Variants in MID1 observed in about 807,000 individuals in gnomAD.
MID1 encodes E3 ubiquitin-protein ligase Midline-1.
Under a neutral mutation model 40.4 loss-of-function variants are expected in MID1, and 7 were observed. The ratio of observed to expected loss-of-function variants is 0.17; its 90% CI spans 0.10 to 0.33. The LOEUF (loss-of-function observed/expected upper bound fraction) is 0.33, where lower values mean the gene tolerates loss of function less well. Among genes scored for constraint, MID1 ranks in the 10% least tolerant of loss-of-function variants. MID1 has a pLI of 1.00. For synonymous variants in MID1, 229 were observed against 221.2 expected (o/e 1.04, Z -0.31); for missense variants, 367 against 558.5 (o/e 0.66, Z 3.46).
chrX:10,456,836 C>CA (rs768116432), intron 8 of MID1, among the ~76,000 whole-genome samples: 249 of 110,109 alleles, frequency 2.3e-3, no homozygotes, highest in African/African-American at 8.0e-3. Context: ...GGCACTGTCT[C>CA]AAAAAAATAA....
At chrX:10,759,649 TC>T (rs984970167) in intron 1 of MID1, among the ~76,000 whole-genome samples, 3 of 109,801 alleles carry the variant, frequency 2.7e-5, no homozygotes, top group Non-Finnish European at 5.7e-5. Flanking sequence ...CCTCCGCCAC[TC>T]CCCCAACCCC....
intron 1 of MID1, among the ~76,000 whole-genome samples, chrX:10,813,523 T>G (rs917050355): frequency 1.8e-5 from 2 of 111,705 alleles, no homozygotes; most frequent in Non-Finnish European, 3.8e-5. Context: ...AATACCCAAG[T>G]GATAATTTGA....
At chrX:10,700,824 A>T (rs1320465851) in intron 1 of MID1, among the ~76,000 whole-genome samples, 1 of 112,123 alleles carries the variant, frequency 8.9e-6, no homozygotes, top group Non-Finnish European at 1.9e-5. Flanking sequence ...ATGTGCAATA[A>T]TAATGTTCTT....
intron 1 of MID1, among the ~76,000 whole-genome samples, chrX:10,711,549 C>T (rs1045059246): frequency 1.8e-5 from 2 of 112,484 alleles, no homozygotes; most frequent in Admixed American, 9.4e-5. Flanking sequence ...GGCTGTGCCT[C>T]TTTCAAGTAG....
Position 10,482,514 on chromosome X carries a change from G to A in MID1, c.979C>T (p.Arg327Cys), listed in dbSNP as rs1483645727. 3.3e-6 allele frequency: 4 copies of A among 1,211,059 alleles called. No homozygotes were observed. Among genetic ancestry groups the A allele is most frequent in the Middle Eastern group, 4.6e-4 (2 of 4,331 alleles). The part of the protein sequence containing the change: ...EHSLKENDHA[R>C]FLQTAKNITE... ...ATATTCTTAGCAGTCTGTAGGAAACGCGCATGATCATTCTCCTTCAGAGAG... is the reference window on the plus strand; with the variant it reads ...ATATTCTTAGCAGTCTGTAGGAAACACGCATGATCATTCTCCTTCAGAGAG... The change falls in exon 5 of 10, where the codon CGT becomes TGT. Residue 327 changes from arginine to cysteine, a missense_variant. Arg to Cys is a radical substitution (Grantham distance 180, BLOSUM62 -3). Coordinates refer to ENST00000317552, the MANE Select transcript of MID1 (RefSeq NM_000381.4).
At position 10,583,995 on chromosome X, in the gene MID1, C is replaced by A. The variant is rs769948311; in HGVS notation, c.-56-16392G>T. Among the ~76,000 whole-genome samples, 13 of 108,777 alleles carry A rather than the reference C, an allele frequency of 1.2e-4. No homozygotes were observed. In the South Asian group the frequency reaches 1.3e-3, roughly 10 times the overall value. 94.5% of individuals were successfully genotyped at this position (108,777 alleles called of 115,157 possible). The stretch of plus-strand genomic sequence containing the variant: ...GCGGTGAGCAGAGATCACACCACTG[C>A]ACTCCAGCCTGGGCGACAGACTGAG... On this transcript the variant is annotated intron_variant, in intron 1 of 9. Coordinates refer to ENST00000317552, the MANE Select transcript of MID1 (RefSeq NM_000381.4).
At chrX:10,663,642 C>T (rs1375506912) in intron 1 of MID1, among the ~76,000 whole-genome samples, 1 of 111,004 alleles carries the variant, frequency 9.0e-6, no homozygotes, top group Non-Finnish European at 1.9e-5. Context: ...TCACCATTCA[C>T]ATGCCGTGTA....
chrX:10,663,648 G>A (rs1042487789), intron 1 of MID1, among the ~76,000 whole-genome samples: 7 of 110,828 alleles, frequency 6.3e-5, no homozygotes, highest in African/African-American at 2.0e-4. Context: ...TTCACATGCC[G>A]TGTAAGACTG....
chrX:10,798,574 G>A (rs554469272), intron 1 of MID1, among the ~76,000 whole-genome samples: 2 of 111,711 alleles, frequency 1.8e-5, no homozygotes, highest in African/African-American at 6.5e-5. Flanking sequence ...ACTTCAAGTC[G>A]GAAAGATGAA....
chrX:10,636,963 T>C (rs1472294794), intron 1 of MID1, among the ~76,000 whole-genome samples: 1 of 105,819 alleles, frequency 9.5e-6, no homozygotes, highest in Non-Finnish European at 1.9e-5. Context: ...TGCATTTTCT[T>C]GTCACAGCTT....
chrX:10,725,997 C>T (rs192969264), intron 1 of MID1, among the ~76,000 whole-genome samples: 83 of 112,545 alleles, frequency 7.4e-4, no homozygotes, highest in African/African-American at 2.5e-3. Flanking sequence ...TATTTCTTGA[C>T]CTAAGCCTCC....
At chrX:10,600,464 C>T (rs1268613187) in intron 1 of MID1, among the ~76,000 whole-genome samples, 2 of 111,748 alleles carry the variant, frequency 1.8e-5, no homozygotes, top group Admixed American at 9.5e-5. Context: ...TATTTGGATA[C>T]TTGGGGGTTG....
In MID1 at chrX:10,516,599, TGTGTGTGTGTGC is replaced by T. The variant is rs1257253144; in HGVS notation, c.756+6481_756+6492del. On this transcript the variant is annotated intron_variant, in intron 3 of 9. Coordinates refer to ENST00000317552, the MANE Select transcript of MID1 (RefSeq NM_000381.4). ...GTGTGTGTGTGTGTGTGTGTGTGTG[TGTGTGTGTGTGC>T]GCGCGCGCACGCGTGTGTTTTAAGA... Among the ~76,000 whole-genome samples the T allele has an allele frequency of 8.1e-3, 582 of 71,636 alleles. 8 individuals are homozygous for T. The highest frequency in any genetic ancestry group is 0.039 in the African/African-American group (564 of 14,599). 62.2% of individuals were successfully genotyped at this position (71,636 alleles called of 115,157 possible).
chrX:10,687,793 A>ATGAT (rs1201239340), intron 1 of MID1, among the ~76,000 whole-genome samples: 3 of 111,700 alleles, frequency 2.7e-5, no homozygotes, highest in African/African-American at 9.8e-5. Flanking sequence ...GGCTTGCTGC[A>ATGAT]GCCTTGACCT....
chrX:10,638,404 A>T lies in MID1; in HGVS notation c.-186-17985T>A, dbSNP rs141457296. ...GTCCCACACCCACAGAGCCTGGCTC[A>T]CTGCTAGCACAGCAATCTGAGATCG... On this transcript the variant is annotated intron_variant, in intron 1 of 10. Transcript: ENST00000380785. Among the ~76,000 whole-genome samples, 521 of 112,199 alleles carry T rather than the reference A, an allele frequency of 4.6e-3. 3 individuals are homozygous for T. Among genetic ancestry groups the T allele is most frequent in the African/African-American group, 0.016 (501 of 30,906 alleles).
At chrX:10,591,980 T>C (rs138340584) in intron 1 of MID1, among the ~76,000 whole-genome samples, 6,246 of 110,610 alleles carry the variant, frequency 0.056, 164 homozygotes, top group Middle Eastern at 0.11. Context: ...ATGATGGATA[T>C]GGTAATGATC....
At chrX:10,503,938 C>T (rs886147626) in intron 3 of MID1, among the ~76,000 whole-genome samples, 10 of 112,243 alleles carry the variant, frequency 8.9e-5, no homozygotes, top group African/African-American at 3.2e-4. Flanking sequence ...AATGCCATTG[C>T]TAATGCCTAA....
intron 1 of MID1, among the ~76,000 whole-genome samples, chrX:10,568,301 T>C (rs1040785380): frequency 1.4e-4 from 16 of 112,118 alleles, no homozygotes; most frequent in Non-Finnish European, 2.4e-4. Flanking sequence ...TTCTATTGTT[T>C]AATCCAGCAG....
intron 1 of MID1, among the ~76,000 whole-genome samples, chrX:10,766,836 C>G (rs748400225): frequency 9.4e-6 from 1 of 106,721 alleles, no homozygotes; most frequent in East Asian, 3.0e-4. Flanking sequence ...TTGAGCCCAG[C>G]AGGTCAAGGC....
Sources: gnomAD v4.1 joint callset for allele counts (sites outside exome capture counted in the v4.1 genomes callset) on GRCh38, gnomAD v4.1.1 for gene constraint, MANE v1.5 for transcripts, NCBI Gene and HGNC (gene_info 2026-07-23, HGNC 2026-07-21) for gene names.